HELZ: variants seen among roughly 807,000 people sequenced by gnomAD.
HELZ encodes the protein helicase with zinc finger, also known as ATP-dependent RNA helicase with zinc finger domain.
A neutral mutation model predicts 218.2 loss-of-function variants in HELZ; 23 were observed. The ratio of observed to expected loss-of-function variants is 0.11; its 90% confidence interval spans 0.08 to 0.15. HELZ has a LOEUF of 0.15. Among genes scored for constraint, HELZ ranks in the 10% least tolerant of loss-of-function variants. HELZ has a pLI of 1.00. For synonymous variants in HELZ, 814 were observed against 829.4 expected, an observed-to-expected ratio of 0.98 and a Z score of 0.32; for missense variants, 1,813 against 2,353.7, an observed-to-expected ratio of 0.77 and a Z score of 4.75.
chr17:67,113,251 G>T (rs1464973135), intron 28 of HELZ, among the ~76,000 whole-genome samples: 3 of 151,990 alleles, frequency 2.0e-5, no homozygotes, highest in African/African-American at 7.2e-5. Context: ...TGTGGTAGTT[G>T]AAGAGGAGAG....
rs2035979341 is a variant in HELZ, at chr17:67,074,896, T to C, written c.*3356A>G. 1 of 152,128 alleles carries C rather than the reference T, an allele frequency of 6.6e-6. No individual in the cohort carries two copies. The highest frequency in any genetic ancestry group is 2.4e-5 in the African/African-American group (1 of 41,448). 9.4% of individuals were successfully genotyped at this position (152,128 alleles called of 1,614,324 possible). A position where few individuals can be genotyped will look rare whatever the true frequency, so the allele number is the denominator to read the frequency against. On this transcript the variant is annotated 3_prime_UTR_variant, in exon 33 of 33. Transcript: ENST00000358691. ...AAAATCTACACAAAGCAGTTTGTTA[T>C]TTCACGTGTAAAAAATGACCTGGAT...
At chr17:67,181,217 G>C (rs1344727058) in intron 12 of HELZ, among the ~76,000 whole-genome samples, 1 of 152,086 alleles carries the variant, frequency 6.6e-6, no homozygotes, top group Non-Finnish European at 1.5e-5. Context: ...ACTGTGCCTA[G>C]ATTACTATTA....
chr17:67,237,468 G>A (rs1397109380), intron 3 of HELZ, among the ~76,000 whole-genome samples: 2 of 152,122 alleles, frequency 1.3e-5, no homozygotes, highest in Non-Finnish European at 2.9e-5. Flanking sequence ...TGACTTAGCA[G>A]TGGACTGTAT....
intron 3 of HELZ, among the ~76,000 whole-genome samples, chr17:67,237,988 C>CAA (rs796850668): frequency 4.6e-5 from 4 of 87,090 alleles, no homozygotes; most frequent in Non-Finnish European, 5.1e-5. Context: ...GACTCCATCT[C>CAA]AAAAAAAAAA....
At chr17:67,234,742 C>T (rs2041133346) in intron 3 of HELZ, among the ~76,000 whole-genome samples, 2 of 152,064 alleles carry the variant, frequency 1.3e-5, no homozygotes, top group African/African-American at 4.8e-5. Flanking sequence ...GACCTATTGG[C>T]AGTCTTACCT....
At chr17:67,094,103 C>A (rs553699383) in intron 31 of HELZ, among the ~76,000 whole-genome samples, 2 of 152,232 alleles carry the variant, frequency 1.3e-5, no homozygotes, top group Non-Finnish European at 2.9e-5. Flanking sequence ...GGGCAGAGTG[C>A]TTAAGTTCAA....
chr17:67,144,246 G>T (rs868527606), intron 21 of HELZ, among the ~76,000 whole-genome samples: 1 of 151,946 alleles, frequency 6.6e-6, no homozygotes, highest in Non-Finnish European at 1.5e-5. Flanking sequence ...GCCTACACTG[G>T]TATTTAGCTG....
At chr17:67,224,872 G>A in intron 3 of HELZ, 2 of 828,288 alleles carry the variant, frequency 2.4e-6, no homozygotes, top group Non-Finnish European at 4.1e-6. Context: ...TGGCTATGGT[G>A]GGCAAACTAA....
At chr17:67,157,249 C>T (rs1033822439) in intron 17 of HELZ, among the ~76,000 whole-genome samples, 9 of 152,118 alleles carry the variant, frequency 5.9e-5, no homozygotes, top group African/African-American at 2.2e-4. Context: ...CAAGAACGGC[C>T]TAATACACTC....
intron 31 of HELZ, among the ~76,000 whole-genome samples, chr17:67,092,893 G>GGC (rs1555596435): frequency 2.0e-4 from 9 of 44,514 alleles, no homozygotes; most frequent in Admixed American, 9.3e-4. Context: ...TGAAACCGGC[G>GGC]GGGGGGGGAA....
chr17:67,115,791 T>A (rs571649393), intron 27 of HELZ, among the ~76,000 whole-genome samples: 2 of 152,242 alleles, frequency 1.3e-5, no homozygotes, highest in South Asian at 4.1e-4. Context: ...CCAGGAGACC[T>A]GCAATACAAC....
rs1009541320 is a variant in HELZ, at chr17:67,072,129, G to C, written c.*6123C>G. On this transcript the variant is annotated 3_prime_UTR_variant, in exon 33 of 33. Coordinates refer to ENST00000358691, the MANE Select transcript of HELZ (RefSeq NM_014877.4). ...AGGCGGGCAGATCATGAGGTCAAGAGATGGAGACCATCCTGGCCAACACGG... is the reference window on the plus strand; with the variant it reads ...AGGCGGGCAGATCATGAGGTCAAGACATGGAGACCATCCTGGCCAACACGG... 3.9e-5 allele frequency: 6 copies of C among 152,686 alleles called. No homozygotes were observed. Among genetic ancestry groups the C allele is most frequent in the African/African-American group, 1.4e-4 (6 of 41,558 alleles). 9.5% of individuals were successfully genotyped at this position (152,686 alleles called of 1,614,324 possible).
At chr17:67,139,995 T>C (rs1047145501) in intron 21 of HELZ, among the ~76,000 whole-genome samples, 28 of 152,172 alleles carry the variant, frequency 1.8e-4, no homozygotes, top group Admixed American at 2.0e-4. Flanking sequence ...TAGCTCTGCA[T>C]TGCAGGAGAG....
chr17:67,188,991 CT>C lies in HELZ; in HGVS notation c.865-376del, dbSNP rs1337439056. ...TGAAAGCACTGGATTGGGTTCAAGG[CT>C]GAAGCTAACTGTTCTTAGATTTTTC... is the stretch of plus-strand genomic sequence containing the variant. On this transcript the variant is annotated intron_variant, in intron 11 of 32. Transcript: ENST00000358691. This position sits in a 1 kb window ranked among gnomAD's most constrained non-coding sequence, Gnocchi z 4.1. Among the ~76,000 whole-genome samples, 5 of 152,102 alleles carry C rather than the reference CT, an allele frequency of 3.3e-5. No individual in the cohort carries two copies. Among genetic ancestry groups the C allele is most frequent in the Non-Finnish European group, 7.4e-5 (5 of 68,012 alleles).
chr17:67,210,638 A>C (rs1466376471), intron 5 of HELZ, among the ~76,000 whole-genome samples: 1 of 152,184 alleles, frequency 6.6e-6, no homozygotes, highest in Non-Finnish European at 1.5e-5. Context: ...TAGTGTAAAA[A>C]AATGGCCGGG....
intron 28 of HELZ, among the ~76,000 whole-genome samples, chr17:67,111,488 T>C (rs1001086243): frequency 2.0e-5 from 3 of 152,156 alleles, no homozygotes; most frequent in Non-Finnish European, 4.4e-5. Context: ...GGCTCTTAAA[T>C]TAGCCATAGA....
chr17:67,215,977 G>A, intron 4 of HELZ, 42 bp from the exon 5 acceptor site: 1 of 1,173,336 alleles, frequency 8.5e-7, no homozygotes, highest in Non-Finnish European at 1.3e-6. Context: ...TATTTCAAGA[G>A]CTGCTTTTAA....
At chr17:67,149,765 T>C (rs2038616751) in intron 19 of HELZ, 102 bp downstream of exon 19, 2 of 617,730 alleles carry the variant, frequency 3.2e-6, no homozygotes, top group East Asian at 6.0e-5. Flanking sequence ...ACTAAAGTTA[T>C]AATGCATGGC....
At chr17:67,134,725 T>C (rs2038093299) in intron 23 of HELZ, among the ~76,000 whole-genome samples, 1 of 151,936 alleles carries the variant, frequency 6.6e-6, no homozygotes, top group Non-Finnish European at 1.5e-5. Context: ...GATAATAAAG[T>C]GCTGTCATTA....
Sources: gnomAD v4.1 joint callset for allele counts (sites outside exome capture counted in the v4.1 genomes callset) on GRCh38, gnomAD v4.1.1 for gene constraint, Gnocchi (gnomAD v3.1) non-coding constraint, MANE v1.5 for transcripts, NCBI Gene and HGNC (gene_info 2026-07-23, HGNC 2026-07-21) for gene names.